The following EPHB1 variants were observed in gnomAD, a reference collection of about 807,000 sequenced individuals.
EPHB1 encodes the protein EPH receptor B1, also known as ephrin type-B receptor 1.
In EPHB1, 30 loss-of-function variants were observed where a neutral mutation model predicts 94.4. The observed-to-expected ratio is 0.32, with a 90% CI of 0.24 to 0.43. The LOEUF is 0.43. Among genes scored for constraint, EPHB1 ranks in the 20% least tolerant of loss-of-function variants. EPHB1 has a pLI of 1.00. For missense variants in EPHB1, 1,055 were observed against 1,308.3 expected (o/e 0.81, Z 2.99); for synonymous variants, 522 against 489.1 (o/e 1.07, Z -0.89).
At chr3:134,923,246 T>C (rs2038723808) in intron 1 of EPHB1, among the ~76,000 whole-genome samples, 1 of 152,204 alleles carries the variant, frequency 6.6e-6, no homozygotes, top group African/African-American at 2.4e-5. Flanking sequence ...CTTTATTTGC[T>C]TTTACTCCTG....
chr3:134,999,577 G>C (rs1459194654), intron 3 of EPHB1, among the ~76,000 whole-genome samples: 1 of 152,188 alleles, frequency 6.6e-6, no homozygotes, highest in African/African-American at 2.4e-5. Flanking sequence ...ACGGTGAGCT[G>C]CTCACTCCTC....
chr3:134,804,649 C>T (rs558954312), intron 1 of EPHB1, among the ~76,000 whole-genome samples: 6 of 152,170 alleles, frequency 3.9e-5, no homozygotes, highest in Non-Finnish European at 8.8e-5. Context: ...TGCTTTTTGT[C>T]TTTGGGCACT....
chr3:135,105,573 AC>A (rs1205185629), intron 3 of EPHB1, among the ~76,000 whole-genome samples: 8 of 152,036 alleles, frequency 5.3e-5, no homozygotes, highest in Non-Finnish European at 1.0e-4. Flanking sequence ...CAAAGTTAAG[AC>A]CCGAGGGATA....
intron 12 of EPHB1, among the ~76,000 whole-genome samples, chr3:135,229,324 A>C (rs1003064717): frequency 6.6e-6 from 1 of 152,206 alleles, no homozygotes; most frequent in African/African-American, 2.4e-5. Context: ...TAAGTGACTT[A>C]GTTGTAACTG....
At chr3:134,911,191 C>A (rs1055755619) in intron 1 of EPHB1, among the ~76,000 whole-genome samples, 1 of 152,178 alleles carries the variant, frequency 6.6e-6, no homozygotes, top group Non-Finnish European at 1.5e-5. Context: ...GTGGACAGGG[C>A]ATCTCTGAGT....
intron 3 of EPHB1, among the ~76,000 whole-genome samples, chr3:135,088,993 G>T (rs1938465487): frequency 6.6e-6 from 1 of 152,116 alleles, no homozygotes; most frequent in Non-Finnish European, 1.5e-5. Context: ...ATGAGACAGG[G>T]ACTAATTTTT....
At chr3:135,087,107 C>A (rs1938387235) in intron 3 of EPHB1, among the ~76,000 whole-genome samples, 1 of 152,182 alleles carries the variant, frequency 6.6e-6, no homozygotes, top group African/African-American at 2.4e-5. Context: ...CCCTTTAGCT[C>A]CTGAAAAATT....
chr3:135,170,837 A>G (rs1941784995), intron 9 of EPHB1, among the ~76,000 whole-genome samples: 1 of 152,162 alleles, frequency 6.6e-6, no homozygotes, highest in African/African-American at 2.4e-5. Context: ...GGAGAGTGGA[A>G]GATAAGAGCT....
intron 12 of EPHB1, among the ~76,000 whole-genome samples, chr3:135,238,310 G>A (rs1416990044): frequency 1.3e-5 from 2 of 152,228 alleles, no homozygotes; most frequent in Non-Finnish European, 2.9e-5. Context: ...TGCCTGTCCA[G>A]GGGCTCTTCT....
chr3:135,222,783 C>A (rs1444810200), intron 12 of EPHB1, among the ~76,000 whole-genome samples: 2 of 152,184 alleles, frequency 1.3e-5, no homozygotes, highest in Non-Finnish European at 2.9e-5. Flanking sequence ...CAAGAGGAAG[C>A]ACAAAAATCC....
intron 5 of EPHB1, among the ~76,000 whole-genome samples, chr3:135,136,962 C>T (rs1258817741): frequency 6.6e-6 from 1 of 152,240 alleles, no homozygotes; most frequent in Non-Finnish European, 1.5e-5. Flanking sequence ...CTAACTCCTG[C>T]AGTCACTCTC....
chr3:134,958,610 G>T (rs1018215948), intron 3 of EPHB1, among the ~76,000 whole-genome samples: 1 of 152,144 alleles, frequency 6.6e-6, no homozygotes, highest in African/African-American at 2.4e-5. Flanking sequence ...GGAGGCCAGG[G>T]TCATTAACAC....
intron 12 of EPHB1, among the ~76,000 whole-genome samples, chr3:135,213,893 G>A (rs373102484): frequency 6.6e-6 from 1 of 152,220 alleles, no homozygotes; most frequent in East Asian, 1.9e-4. Flanking sequence ...AGCTTTGCTC[G>A]AGCCTTCTGC....
intron 3 of EPHB1, among the ~76,000 whole-genome samples, chr3:134,954,462 C>T (rs1266462429): frequency 6.6e-6 from 1 of 152,086 alleles, no homozygotes; most frequent in East Asian, 1.9e-4. Flanking sequence ...TTTGGTGTAG[C>T]CCACTTAGCA....
In EPHB1 at chr3:135,183,273, T is replaced by TTCCC. The variant is rs1394708398; in HGVS notation, c.1882+3294_1882+3295insCTCC. On this transcript the variant is annotated intron_variant, in intron 10 of 15. Coordinates refer to ENST00000398015, the MANE Select transcript of EPHB1 (RefSeq NM_004441.5). ...CTTCCTTCCTTCCTTCCTTCCTTCCTTCCTTCCTTCCTTCCTTCCTGGAGA... is the reference window on the plus strand; with the variant it reads ...CTTCCTTCCTTCCTTCCTTCCTTCCTTCCCTCCTTCCTTCCTTCCTTCCTGGAGA... 3.1e-4 allele frequency among the ~76,000 whole-genome samples: 42 copies of TTCCC among 137,100 alleles called. No individual in the cohort carries two copies. The East Asian group carries it at 6.3e-3, about 21-fold the overall frequency. 89.9% of individuals were successfully genotyped at this position (137,100 alleles called of 152,430 possible).
chr3:134,889,605 T>C (rs1261071098), intron 1 of EPHB1, among the ~76,000 whole-genome samples: 1 of 152,230 alleles, frequency 6.6e-6, no homozygotes. Flanking sequence ...TATGTTTTAA[T>C]ATCTGCTAAG....
At chr3:134,897,168 T>A (rs2038102977) in intron 1 of EPHB1, among the ~76,000 whole-genome samples, 1 of 152,348 alleles carries the variant, frequency 6.6e-6, no homozygotes, top group East Asian at 1.9e-4. Context: ...GTTATCTTCT[T>A]GGTCAGCACA....
At chr3:135,018,161 C>A (rs77461473) in intron 3 of EPHB1, among the ~76,000 whole-genome samples, 2,668 of 152,210 alleles carry the variant, frequency 0.018, 79 homozygotes, top group African/African-American at 0.061. Context: ...CCCCAAAATG[C>A]AGGGTGCTTG....
chr3:134,918,546 C>G (rs1284366925), intron 1 of EPHB1, among the ~76,000 whole-genome samples: 1 of 152,180 alleles, frequency 6.6e-6, no homozygotes, highest in Non-Finnish European at 1.5e-5. Context: ...AAACCAACAT[C>G]CCCTACCCAG....
Sources: gnomAD v4.1 joint callset for allele counts (sites outside exome capture counted in the v4.1 genomes callset) on GRCh38, gnomAD v4.1.1 for gene constraint, MANE v1.5 for transcripts, NCBI Gene and HGNC (gene_info 2026-07-23, HGNC 2026-07-21) for gene names.